Variants in LARGE1 observed in about 807,000 individuals in gnomAD.
The protein encoded by LARGE1 is xylosyl- and glucuronyltransferase LARGE1.
In LARGE1, 43 loss-of-function variants were observed where a neutral mutation model predicts 87.6. That is an observed-to-expected ratio of 0.49 (90% CI 0.38 to 0.63). LARGE1 has a LOEUF of 0.63. Among genes scored for constraint, LARGE1 ranks in the 30% least tolerant of loss-of-function variants. The pLI is 0.00. For missense variants in LARGE1, 802 were observed against 1,000.2 expected (o/e 0.80, Z 2.67); for synonymous variants, 434 against 394.6 (o/e 1.10, Z -1.18).
chr22:33,836,847 A>T (rs1386986943), intron 1 of LARGE1, among the ~76,000 whole-genome samples: 1 of 152,192 alleles, frequency 6.6e-6, no homozygotes, highest in Non-Finnish European at 1.5e-5. Flanking sequence ...CAAGACCTGG[A>T]ACACTGTAAG....
At chr22:33,508,429 T>C (rs1331735962) in intron 6 of LARGE1, among the ~76,000 whole-genome samples, 1 of 152,198 alleles carries the variant, frequency 6.6e-6, no homozygotes, top group East Asian at 1.9e-4. Context: ...ACCCTTACCA[T>C]TTTCTTAAAA....
At chr22:33,415,603 GC>G (rs913909519) in intron 7 of LARGE1, among the ~76,000 whole-genome samples, 1 of 152,114 alleles carries the variant, frequency 6.6e-6, no homozygotes, top group Non-Finnish European at 1.5e-5. Context: ...TTTAATTAGA[GC>G]CCCCACCAAG....
chr22:33,393,464 TAGAA>T (rs1399158833), intron 7 of LARGE1, among the ~76,000 whole-genome samples: 2 of 152,230 alleles, frequency 1.3e-5, no homozygotes, highest in African/African-American at 4.8e-5. Flanking sequence ...GTGTGCAAAG[TAGAA>T]AGAGGATTTT....
At chr22:33,502,384 G>A (rs536027642) in intron 6 of LARGE1, among the ~76,000 whole-genome samples, 13 of 152,170 alleles carry the variant, frequency 8.5e-5, no homozygotes, top group South Asian at 4.2e-4. Flanking sequence ...GGCCAGAGAC[G>A]GAGGGAGAAT....
rs2064173042 is a variant in LARGE1 at position 33,868,418 on chromosome 22, G to A, written c.-83+51577C>T. 2.6e-5 allele frequency among the ~76,000 whole-genome samples: 4 copies of A among 152,174 alleles called. 1 individual carries two copies. The South Asian group carries it at 8.3e-4, about 32-fold the overall frequency. On this transcript the variant is annotated intron_variant, in intron 1 of 14. Coordinates refer to ENST00000397394, the MANE Select transcript of LARGE1 (RefSeq NM_133642.5). Reference sequence around the variant, plus strand: ...CGAGATGATGTCTAAGGGTCTTCCTGTATCTGATCTACAAGGATTCCTGCT... The same window carrying A: ...CGAGATGATGTCTAAGGGTCTTCCTATATCTGATCTACAAGGATTCCTGCT...
chr22:33,089,371 C>CTTCTCCTCCTCCTT, the LARGE1 span, among the ~76,000 whole-genome samples: 1 of 76,048 alleles, frequency 1.3e-5, no homozygotes, highest in African/African-American at 6.3e-5. Context: ...TTCTTCTTCT[C>CTTCTCCTCCTCCTT]CTTCTTCTTC....
At chr22:33,863,278 A>C (rs2063985859) in intron 1 of LARGE1, among the ~76,000 whole-genome samples, 1 of 152,204 alleles carries the variant, frequency 6.6e-6, no homozygotes, top group Admixed American at 6.5e-5. Flanking sequence ...AGCATTTGCC[A>C]TGGAGAAGCA....
chr22:33,086,462 A>G, the LARGE1 span, among the ~76,000 whole-genome samples: 1 of 151,888 alleles, frequency 6.6e-6, no homozygotes, highest in African/African-American at 2.4e-5. Flanking sequence ...CAATTTATTC[A>G]TATTTGAATA....
At chr22:33,511,313 G>A (rs1602184944) in intron 6 of LARGE1, among the ~76,000 whole-genome samples, 1 of 152,148 alleles carries the variant, frequency 6.6e-6, no homozygotes, top group African/African-American at 2.4e-5. Flanking sequence ...AATATTTATT[G>A]AGTACCCTTT....
At chr22:33,572,549 G>A (rs2148826787) in intron 5 of LARGE1, among the ~76,000 whole-genome samples, 1 of 152,282 alleles carries the variant, frequency 6.6e-6, no homozygotes, top group Middle Eastern at 3.4e-3. Flanking sequence ...AGGTAGGAGA[G>A]TCAAAGTGCC....
chr22:33,439,586 T>A (rs2067395896), intron 6 of LARGE1, among the ~76,000 whole-genome samples: 1 of 152,126 alleles, frequency 6.6e-6, no homozygotes, highest in Non-Finnish European at 1.5e-5. Flanking sequence ...TTTGTTACTC[T>A]CTATTTTATC....
chr22:33,863,478 A>G (rs1251670876), intron 1 of LARGE1, among the ~76,000 whole-genome samples: 1 of 151,916 alleles, frequency 6.6e-6, no homozygotes, highest in Non-Finnish European at 1.5e-5. Context: ...ACAAAGGAGG[A>G]GCCAGGCCCA....
chr22:33,731,156 A>C (rs985339153), intron 2 of LARGE1, among the ~76,000 whole-genome samples: 3 of 151,614 alleles, frequency 2.0e-5, no homozygotes, highest in Non-Finnish European at 4.4e-5. Context: ...GGCGCCTACC[A>C]CCATGCCTGG....
chr22:33,898,546 G>C (rs1245543256), intron 1 of LARGE1, among the ~76,000 whole-genome samples: 1 of 152,204 alleles, frequency 6.6e-6, no homozygotes, highest in Non-Finnish European at 1.5e-5. Context: ...CCTGAGGTTG[G>C]AAGTTCAAGA....
intron 2 of LARGE1, among the ~76,000 whole-genome samples, chr22:33,735,114 C>T (rs1319118816): frequency 6.6e-6 from 1 of 152,188 alleles, no homozygotes; most frequent in Non-Finnish European, 1.5e-5. Context: ...AGCAGTGTCC[C>T]TTCACTCCTT....
intron 9 of LARGE1, among the ~76,000 whole-genome samples, chr22:33,377,219 TA>T: frequency 6.6e-6 from 1 of 152,184 alleles, no homozygotes; most frequent in Middle Eastern, 3.2e-3. Flanking sequence ...CAAGAATGAT[TA>T]CAAAAGACTC....
chr22:33,532,134 C>T (rs550550825), intron 6 of LARGE1, among the ~76,000 whole-genome samples: 1 of 152,310 alleles, frequency 6.6e-6, no homozygotes, highest in South Asian at 2.1e-4. Flanking sequence ...TGAAGAGGAC[C>T]AAATCTATCC....
chr22:33,310,890 G>A (rs996574643), intron 11 of LARGE1, among the ~76,000 whole-genome samples: 3 of 151,980 alleles, frequency 2.0e-5, no homozygotes, highest in Admixed American at 1.3e-4. Flanking sequence ...TGTCTGCTAC[G>A]CTTGGGCTGT....
At chr22:33,789,523 A>G (rs1033188051) in intron 1 of LARGE1, among the ~76,000 whole-genome samples, 1 of 152,202 alleles carries the variant, frequency 6.6e-6, no homozygotes, top group African/African-American at 2.4e-5. Flanking sequence ...CTAGAATGGT[A>G]GATCCAGCAA....
Sources: gnomAD v4.1 joint callset for allele counts (sites outside exome capture counted in the v4.1 genomes callset) on GRCh38, gnomAD v4.1.1 for gene constraint, MANE v1.5 for transcripts, NCBI Gene and HGNC (gene_info 2026-07-23, HGNC 2026-07-21) for gene names.